The following LPAR6 variants were observed in gnomAD, a reference collection of about 807,000 sequenced individuals.
LPAR6 encodes the protein G-protein coupled purinergic receptor P2Y5.
A neutral mutation model predicts 22.0 loss-of-function variants in LPAR6; 17 were observed. The ratio of observed to expected loss-of-function variants is 0.77; its 90% confidence interval spans 0.53 to 1.16. LPAR6 has a LOEUF of 1.16. Among genes scored for constraint, LPAR6 ranks in the 50% most tolerant of loss-of-function variants. The pLI is 0.00. For synonymous variants in LPAR6, 136 were observed against 139.8 expected (o/e 0.97, Z 0.19); for missense variants, 384 against 406.9 (o/e 0.94, Z 0.48).
Position 48,412,299 on chromosome 13 carries a change from A to C in LPAR6, c.125T>G (p.Phe42Cys), listed in dbSNP as rs200529724. Residue 42 changes from phenylalanine to cysteine, a missense_variant, in exon 1 of 1, where the codon TTC becomes TGC. Coordinates refer to ENST00000620633, the MANE Select transcript of LPAR6 (RefSeq NM_001162498.3). The stretch of plus-strand genomic sequence containing the variant: ...ATTTCGGACTTTGAGGACGCAGATG[A>C]AAATGTATATGGCAACACAATTGGA... Reference protein sequence around the residue: ...LISNCVAIYIFICVLKVRNET... With the variant: ...LISNCVAIYICICVLKVRNET... 4.3e-6 allele frequency: 7 copies of C among 1,613,816 alleles called. No homozygotes were observed. Among genetic ancestry groups the C allele is most frequent in the Non-Finnish European group, 5.9e-6 (7 of 1,179,712 alleles).
At chr13:48,437,430 A>G (rs1431586628) in intron 1 of LPAR6, among the ~76,000 whole-genome samples, 1 of 152,250 alleles carries the variant, frequency 6.6e-6, no homozygotes, top group Non-Finnish European at 1.5e-5. Context: ...ACTAACATTT[A>G]TTATCTCACA....
At chr13:48,409,398 A>G (rs1948769774), downstream of LPAR6, among the ~76,000 whole-genome samples, 1 of 152,030 alleles carries the variant, frequency 6.6e-6, no homozygotes. Flanking sequence ...TCAAACCCAG[A>G]GAACAGCAAA....
At chr13:48,430,781 T>C (rs1439084417), upstream of LPAR6, among the ~76,000 whole-genome samples, 1 of 149,668 alleles carries the variant, frequency 6.7e-6, no homozygotes, top group Admixed American at 6.6e-5. Context: ...AAAAAAACAG[T>C]AGAGGCCTGC....
At chr13:48,416,062 C>T (rs1948903631), upstream of LPAR6, among the ~76,000 whole-genome samples, 1 of 152,180 alleles carries the variant, frequency 6.6e-6, no homozygotes, top group Admixed American at 6.5e-5. Flanking sequence ...ACTTCTGGAA[C>T]TTAACTCTGA....
In LPAR6 at chr13:48,412,021, T is replaced by C; in HGVS notation, c.403A>G (p.Ile135Val). Residue 135 changes from isoleucine (I) to valine (V), a missense_variant, in exon 1 of 1, where the codon ATT becomes GTT. Ile to Val is a conservative substitution (Grantham distance 29). Transcript: ENST00000620633. ...GTTAACCACACGCCAGTGCAAACAA[T>C]CTTTGCATTTCTTTTGGTTCTTAGA... The part of the protein sequence containing the change: ...KTLRTKRNAK[I>V]VCTGVWLTVI... 1 of 1,612,810 alleles carries C rather than the reference T, an allele frequency of 6.2e-7. No homozygotes were observed. The highest frequency in any genetic ancestry group is 8.5e-7 in the Non-Finnish European group (1 of 1,179,394).
downstream of LPAR6, among the ~76,000 whole-genome samples, chr13:48,406,172 A>G (rs1220571584): frequency 6.6e-6 from 1 of 151,978 alleles, no homozygotes; most frequent in Non-Finnish European, 1.5e-5. Context: ...ATCAATACCT[A>G]GAAGTAAGAA....
chr13:48,394,686 G>C (rs1948634526), intron 1 of LPAR6, among the ~76,000 whole-genome samples: 1 of 152,206 alleles, frequency 6.6e-6, no homozygotes, highest in African/African-American at 2.4e-5. Context: ...TAGCCAGACT[G>C]CCTTTCTAGA....
chr13:48,395,782 A>C (rs1170003996), intron 1 of LPAR6, among the ~76,000 whole-genome samples: 1 of 152,178 alleles, frequency 6.6e-6, no homozygotes, highest in Non-Finnish European at 1.5e-5. Context: ...TGACAGGGAG[A>C]GTGGAACCAA....
At chr13:48,394,539 C>A (rs898800834) in intron 1 of LPAR6, among the ~76,000 whole-genome samples, 1 of 152,170 alleles carries the variant, frequency 6.6e-6, no homozygotes, top group African/African-American at 2.4e-5. Flanking sequence ...AGTCTGAGGT[C>A]GACCTGGGAT....
upstream of LPAR6, among the ~76,000 whole-genome samples, chr13:48,417,919 A>G (rs1242655268): frequency 2.0e-5 from 3 of 152,208 alleles, no homozygotes; most frequent in African/African-American, 7.2e-5. Context: ...TGTACCTGAA[A>G]GTGACAGGGA....
At chr13:48,444,283 G>A (rs1055124841) in intron 1 of LPAR6, among the ~76,000 whole-genome samples, 5 of 152,132 alleles carry the variant, frequency 3.3e-5, no homozygotes, top group South Asian at 2.1e-4. Context: ...TTGGGAGGTC[G>A]AGGTGGGCAG....
At chr13:48,442,535 G>C (rs138271173) in intron 1 of LPAR6, among the ~76,000 whole-genome samples, 3 of 152,082 alleles carry the variant, frequency 2.0e-5, no homozygotes, top group African/African-American at 7.2e-5. Flanking sequence ...ACTGTACTTA[G>C]GATAAATTCC....
intron 1 of LPAR6, among the ~76,000 whole-genome samples, chr13:48,396,863 A>G (rs1328129028): frequency 6.6e-6 from 1 of 152,196 alleles, no homozygotes; most frequent in Non-Finnish European, 1.5e-5. Context: ...TCAAAAGAAG[A>G]TATTTATGTG....
intron 1 of LPAR6, among the ~76,000 whole-genome samples, chr13:48,398,074 A>G (rs1275072375): frequency 2.0e-5 from 3 of 152,200 alleles, no homozygotes; most frequent in Non-Finnish European, 1.5e-5. Context: ...GGCCAGGACA[A>G]TGAAGCAGTA....
At chr13:48,416,369 G>A (rs950100974), upstream of LPAR6, 2 of 152,282 alleles carry the variant, frequency 1.3e-5, no homozygotes, top group Non-Finnish European at 2.9e-5. Flanking sequence ...AGCCATGAGG[G>A]AATGTGCCAC....
intron 2 of LPAR6, among the ~76,000 whole-genome samples, chr13:48,419,978 AT>A: frequency 6.6e-6 from 1 of 152,206 alleles, no homozygotes; most frequent in East Asian, 1.9e-4. Flanking sequence ...AGCTGGTACT[AT>A]TCCTTCTGAA....
upstream of LPAR6, among the ~76,000 whole-genome samples, chr13:48,431,528 G>T (rs889492468): frequency 3.3e-5 from 5 of 152,166 alleles, no homozygotes; most frequent in Non-Finnish European, 7.4e-5. Context: ...TAAGCCACTA[G>T]TCATCTATTC....
At chr13:48,424,845 G>A (rs1032905925) in intron 1 of LPAR6, among the ~76,000 whole-genome samples, 1 of 152,120 alleles carries the variant, frequency 6.6e-6, no homozygotes, top group Non-Finnish European at 1.5e-5. Context: ...TTGAGGTCAG[G>A]AGTTTGAAAC....
At chr13:48,431,891 A>C (rs1035687407), upstream of LPAR6, among the ~76,000 whole-genome samples, 4 of 151,406 alleles carry the variant, frequency 2.6e-5, no homozygotes, top group African/African-American at 4.9e-5. Flanking sequence ...ACTGATACTT[A>C]TTTTTTTTTC....
Sources: gnomAD v4.1 joint callset for allele counts (sites outside exome capture counted in the v4.1 genomes callset) on GRCh38, gnomAD v4.1.1 for gene constraint, MANE v1.5 for transcripts, NCBI Gene and HGNC (gene_info 2026-07-23, HGNC 2026-07-21) for gene names.